HPGDS: variants seen among roughly 807,000 people sequenced by gnomAD.
HPGDS encodes hematopoietic prostaglandin D synthase.
Under a neutral mutation model 23.1 loss-of-function variants are expected in HPGDS, and 26 were observed. That is an observed-to-expected ratio of 1.13 (90% confidence interval 0.83 to 1.56). The LOEUF is 1.56. Among genes scored for constraint, HPGDS ranks in the 40% most tolerant of loss-of-function variants. HPGDS has a pLI of 0.00. For missense variants in HPGDS, 268 were observed against 236.4 expected, an observed-to-expected ratio of 1.13 and a Z score of -0.88; for synonymous variants, 95 against 77.9, an observed-to-expected ratio of 1.22 and a Z score of -1.16.
At chr4:94,300,257 A>G (rs934413644) in intron 5 of HPGDS, among the ~76,000 whole-genome samples, 1 of 152,236 alleles carries the variant, frequency 6.6e-6, no homozygotes, top group African/African-American at 2.4e-5. Context: ...TGTGGCTAAA[A>G]TACATTATAT....
At position 94,302,169 on chromosome 4, in the gene HPGDS, T is replaced by TC. The variant is rs1306969476; in HGVS notation, c.411dup (p.Arg138GlufsTer7). 8 of 1,610,918 alleles carry TC rather than the reference T, an allele frequency of 5.0e-6. No homozygotes were observed. The highest frequency in any genetic ancestry group is 4.0e-5 in the African/African-American group (3 of 74,752). Reference sequence around the variant, plus strand: ...ACAGAGTTACCAATAAGCCATTCTCTCCCCCCTAAATATGTGTCCAAGTCT... The same window carrying TC: ...ACAGAGTTACCAATAAGCCATTCTCTCCCCCCCTAAATATGTGTCCAAGTCT... On this transcript the variant is annotated frameshift_variant, in exon 5 of 6. Coordinates refer to ENST00000295256, the MANE Select transcript of HPGDS (RefSeq NM_014485.3). LOFTEE classifies it high-confidence loss of function.
chr4:94,332,769 T>C (rs946418743), intron 2 of HPGDS, among the ~76,000 whole-genome samples: 2 of 152,230 alleles, frequency 1.3e-5, no homozygotes, highest in Non-Finnish European at 2.9e-5. Flanking sequence ...TACTACAAAT[T>C]CATGAGCCTT....
chr4:94,316,075 C>G lies in HPGDS; in HGVS notation c.226+1798G>C, dbSNP rs114388764. Among the ~76,000 whole-genome samples the G allele has an allele frequency of 2.4e-3, 369 of 152,306 alleles. 1 individual carries two copies. Among genetic ancestry groups the G allele is most frequent in the African/African-American group, 8.1e-3 (335 of 41,558 alleles). On this transcript the variant is annotated intron_variant, in intron 3 of 5. Transcript: ENST00000295256. ...ATAATTACGGGCCTCAACTGTGACT[C>G]AGCCCCAAGTAGTGGCTGTATATAG...
At chr4:94,325,218 G>T (rs1193052436) in intron 2 of HPGDS, among the ~76,000 whole-genome samples, 2 of 152,214 alleles carry the variant, frequency 1.3e-5, no homozygotes, top group African/African-American at 4.8e-5. Flanking sequence ...CTATCTCCCA[G>T]TTAGGCTACT....
intron 2 of HPGDS, among the ~76,000 whole-genome samples, chr4:94,327,370 G>T (rs1370432600): frequency 6.6e-6 from 1 of 152,142 alleles, no homozygotes; most frequent in Non-Finnish European, 1.5e-5. Flanking sequence ...TCCTGAGAGT[G>T]CATGTTTGCA....
At chr4:94,304,250 A>G (rs1185479754) in intron 4 of HPGDS, among the ~76,000 whole-genome samples, 3 of 152,094 alleles carry the variant, frequency 2.0e-5, no homozygotes, top group African/African-American at 7.2e-5. Context: ...TTGTGTTGGA[A>G]CCACGACATC....
intron 3 of HPGDS, among the ~76,000 whole-genome samples, chr4:94,314,989 C>A (rs144829676): frequency 0.025 from 3,774 of 152,296 alleles, 105 homozygotes; most frequent in African/African-American, 0.075. Flanking sequence ...CTGTCGGAAA[C>A]GCGCAGTGTT....
chr4:94,334,788 A>G (rs1351247342), intron 1 of HPGDS, 150 bp from the exon 2 acceptor site: 79 of 608,290 alleles, frequency 1.3e-4, no homozygotes, highest in Non-Finnish European at 2.7e-5. Context: ...ATAAATCACT[A>G]TCTAATTACA....
intron 3 of HPGDS, among the ~76,000 whole-genome samples, chr4:94,309,439 A>T (rs373020893): frequency 1.1e-4 from 16 of 151,980 alleles, no homozygotes; most frequent in Admixed American, 3.3e-4. Context: ...TTCATCCATG[A>T]CCCTACAAAG....
chr4:94,300,762 A>G (rs1268471902), intron 5 of HPGDS, among the ~76,000 whole-genome samples: 6 of 152,284 alleles, frequency 3.9e-5, no homozygotes, highest in South Asian at 4.1e-4. Flanking sequence ...GGACTATGAC[A>G]TGGTCAGAGA....
intron 2 of HPGDS, among the ~76,000 whole-genome samples, chr4:94,323,012 C>T (rs1158765666): frequency 5.3e-5 from 8 of 152,176 alleles, no homozygotes; most frequent in South Asian, 2.1e-4. Flanking sequence ...GCCTTCATTT[C>T]GTTATGTACC....
intron 1 of HPGDS, among the ~76,000 whole-genome samples, chr4:94,340,315 T>TC (rs1560598052): frequency 3.9e-3 from 39 of 10,074 alleles, no homozygotes; most frequent in East Asian, 0.01. Flanking sequence ...CTTTCTCTTT[T>TC]TTTTTTTTTT....
At chr4:94,314,583 G>A (rs948850981) in intron 3 of HPGDS, among the ~76,000 whole-genome samples, 1 of 152,190 alleles carries the variant, frequency 6.6e-6, no homozygotes, top group African/African-American at 2.4e-5. Flanking sequence ...CTACTCAGGG[G>A]TCAGAGACCC....
chr4:94,332,551 C>T (rs1255535446), intron 2 of HPGDS, among the ~76,000 whole-genome samples: 3 of 152,212 alleles, frequency 2.0e-5, no homozygotes, highest in Non-Finnish European at 4.4e-5. Flanking sequence ...CTGCAGGGCC[C>T]ACACAGAGCT....
rs569415545 is a variant in HPGDS at position 94,342,550 on chromosome 4, A to C, written c.-10+245T>G. Among the ~76,000 whole-genome samples the C allele has an allele frequency of 2.0e-5, 3 of 152,286 alleles. No individual in the cohort carries two copies. In the South Asian group the frequency reaches 6.2e-4, roughly 32 times the overall value. ...CATTGATTATATTTTCTATGTTAAA[A>C]TCCACTTGAAGAGATCTTCTTAAAT... On this transcript the variant is annotated intron_variant, in intron 1 of 5. Coordinates refer to ENST00000295256, the MANE Select transcript of HPGDS (RefSeq NM_014485.3).
chr4:94,318,550 A>G (rs1474967877), intron 2 of HPGDS, among the ~76,000 whole-genome samples: 1 of 152,028 alleles, frequency 6.6e-6, no homozygotes, highest in East Asian at 1.9e-4. Flanking sequence ...AGGTCTTTTT[A>G]TATTGATTTC....
chr4:94,339,276 A>C (rs1404356857), intron 1 of HPGDS, among the ~76,000 whole-genome samples: 1 of 152,238 alleles, frequency 6.6e-6, no homozygotes, highest in Non-Finnish European at 1.5e-5. Flanking sequence ...TTGTGTTAAG[A>C]ATCTCATGTA....
chr4:94,337,796 T>C (rs376319077), intron 1 of HPGDS, among the ~76,000 whole-genome samples: 1 of 152,224 alleles, frequency 6.6e-6, no homozygotes, highest in East Asian at 1.9e-4. Context: ...AAAGTGATTG[T>C]TTTTTATTAT....
chr4:94,328,343 G>C (rs1291170811), intron 2 of HPGDS, among the ~76,000 whole-genome samples: 1 of 152,132 alleles, frequency 6.6e-6, no homozygotes, highest in Admixed American at 6.5e-5. Context: ...GTTACCTCTA[G>C]TCATTAATTT....
Sources: gnomAD v4.1 joint callset for allele counts (sites outside exome capture counted in the v4.1 genomes callset) on GRCh38, gnomAD v4.1.1 for gene constraint, MANE v1.5 for transcripts, NCBI Gene and HGNC (gene_info 2026-07-23, HGNC 2026-07-21) for gene names.